Variants in LRP4 observed in about 807,000 individuals in gnomAD.
LRP4 encodes low-density lipoprotein receptor-related protein 4.
A neutral mutation model predicts 220.3 loss-of-function variants in LRP4; 95 were observed. The observed-to-expected ratio is 0.43, with a 90% CI of 0.37 to 0.51. LRP4 has a LOEUF of 0.51. Among genes scored for constraint, LRP4 ranks in the 20% least tolerant of loss-of-function variants. LRP4 has a pLI of 0.00. For synonymous variants in LRP4, 903 were observed against 954.6 expected (o/e 0.95, Z 1.00); for missense variants, 1,925 against 2,567.0 (o/e 0.75, Z 5.40).
chr11:46,862,702 G>C lies in LRP4; in HGVS notation c.5289C>G (p.Thr1763=). 6.2e-7 allele frequency: 1 copy of C among 1,613,788 alleles called. No homozygotes were observed. The highest frequency in any genetic ancestry group is 8.5e-7 in the Non-Finnish European group (1 of 1,179,898). ...ATGTTCGGTAGGAGGGGTTGCTGTAGGTGAGGTTCCCCATTCCAGGATCAG... is the reference window on the plus strand; with the variant it reads ...ATGTTCGGTAGGAGGGGTTGCTGTACGTGAGGTTCCCCATTCCAGGATCAG... ...KFTDPGMGNL[T]YSNPSYRTST... is the part of the protein sequence containing the mutation. Residue 1763 remains threonine (T), a synonymous_variant, in exon 37 of 38, where the codon ACC becomes ACG. Coordinates refer to ENST00000378623, the MANE Select transcript of LRP4 (RefSeq NM_002334.4).
intron 15 of LRP4, 189 bp from the exon 16 acceptor site, chr11:46,889,722 C>T: frequency 1.2e-6 from 1 of 867,490 alleles, no homozygotes; most frequent in Non-Finnish European, 1.8e-6. Context: ...TAAATGTCTG[C>T]CTGAATTAGA....
chr11:46,908,748 G>A (rs2134880241), intron 1 of LRP4, among the ~76,000 whole-genome samples: 1 of 152,350 alleles, frequency 6.6e-6, no homozygotes, highest in Middle Eastern at 3.4e-3. Flanking sequence ...GTAATGAAGT[G>A]GGGAAAGTCT....
chr11:46,875,601 C>T lies in LRP4; in HGVS notation c.3780G>A (p.Leu1260=). 1 of 1,614,156 alleles carries T rather than the reference C, an allele frequency of 6.2e-7. No homozygotes were observed. The highest frequency in any genetic ancestry group is 8.5e-7 in the Non-Finnish European group (1 of 1,180,030). Residue 1260 remains leucine (L), a synonymous_variant, in exon 27 of 38, where the codon CTG becomes CTA. Transcript: ENST00000378623. This position sits in a 1 kb window ranked among gnomAD's most constrained non-coding sequence, Gnocchi z 4.5. ...CAGTCCAGTAGATATAGGAGTCGAG[C>T]AGGGTGAGGCCATATGGGTGCTGCA... ...SPVQHPYGLT[L]LDSYIYWTDW...
intron 28 of LRP4, 146 bp downstream of exon 28, chr11:46,874,654 C>T: frequency 1.5e-6 from 1 of 670,896 alleles, no homozygotes; most frequent in Non-Finnish European, 2.6e-6. Context: ...CTGTAAGTGA[C>T]AACACTACAA....
At chr11:46,889,752 T>A (rs1419028156) in intron 15 of LRP4, 192 bp downstream of exon 15, 1 of 842,722 alleles carries the variant, frequency 1.2e-6, no homozygotes, top group South Asian at 1.6e-5. Context: ...TGAAGTCTAA[T>A]GAATCTTTTC....
At chr11:46,872,999 C>T in intron 30 of LRP4, 101 bp downstream of exon 30, 1 of 1,509,392 alleles carries the variant, frequency 6.6e-7, no homozygotes. Context: ...TCCCCACATA[C>T]CAAGAAGCTT....
chr11:46,878,768 T>C lies in LRP4; in HGVS notation c.3136+139A>G. Reference sequence around the variant, plus strand: ...GGCCCGTCCCCTTTTCTAAAAGCCGTGAGTCTCTCCCCTGGGCCTCTAGAA... The same window carrying C: ...GGCCCGTCCCCTTTTCTAAAAGCCGCGAGTCTCTCCCCTGGGCCTCTAGAA... On this transcript the variant is annotated intron_variant, in intron 22 of 37. Transcript: ENST00000378623. 3 of 1,286,822 alleles carry C rather than the reference T, an allele frequency of 2.3e-6. No individual in the cohort carries two copies. In the East Asian group the frequency reaches 7.0e-5, roughly 30 times the overall value. 79.7% of individuals were successfully genotyped at this position (1,286,822 alleles called of 1,614,324 possible).
chr11:46,878,193 T>C (rs1228765143), intron 22 of LRP4, among the ~76,000 whole-genome samples: 1 of 151,868 alleles, frequency 6.6e-6, no homozygotes, highest in Non-Finnish European at 1.5e-5. Flanking sequence ...AAGTGGCACA[T>C]CTAAGGAGGA....
intron 33 of LRP4, 102 bp downstream of exon 33, chr11:46,868,498 G>A: frequency 1.1e-6 from 1 of 888,306 alleles, no homozygotes; most frequent in Non-Finnish European, 1.9e-6. Context: ...TCTTTATGGG[G>A]ATCCCACCCA....
At chr11:46,906,101 C>G (rs566472208) in intron 1 of LRP4, among the ~76,000 whole-genome samples, 1 of 152,204 alleles carries the variant, frequency 6.6e-6, no homozygotes, top group South Asian at 2.1e-4. Context: ...TTCCATCGAC[C>G]AGCCAGTTGA....
At chr11:46,895,372 G>A in intron 10 of LRP4, 81 bp from the exon 11 acceptor site, 1 of 1,574,958 alleles carries the variant, frequency 6.3e-7, no homozygotes, top group Non-Finnish European at 8.6e-7. Context: ...CTGCTTTTCT[G>A]CCCACATCCC....
intron 1 of LRP4, among the ~76,000 whole-genome samples, chr11:46,909,438 C>G (rs1941816419): frequency 2.8e-5 from 1 of 35,558 alleles, no homozygotes; most frequent in African/African-American, 1.1e-4. Context: ...AACCCCGTCT[C>G]TACTAAAAAT....
chr11:46,899,449 G>C lies in LRP4; in HGVS notation c.485C>G (p.Ala162Gly). The C allele has an allele frequency of 6.2e-7, 1 of 1,614,122 alleles. No homozygotes were observed. Among genetic ancestry groups the C allele is most frequent in the South Asian group, 1.1e-5 (1 of 91,084 alleles). Residue 162 changes from alanine to glycine, a missense_variant, in exon 5 of 38, where the codon GCT becomes GGT. Physicochemically the swap from Ala to Gly is moderately conservative, Grantham distance 60. This residue lies in a region of LRP4 where 412 missense variants were observed against 505.4 expected (regional missense o/e 0.82). Coordinates refer to ENST00000378623, the MANE Select transcript of LRP4 (RefSeq NM_002334.4). The surrounding 1 kb of genome is among the most constrained non-coding windows in gnomAD (Gnocchi z 5.9). Reference sequence around the variant, plus strand: ...GTCACCGTCGCAGTACCAATGCTCAGCAATGCAGCTTCCGTCACTACAGCG... The same window carrying C: ...GTCACCGTCGCAGTACCAATGCTCACCAATGCAGCTTCCGTCACTACAGCG... ...EFRCSDGSCI[A>G]EHWYCDGDTD...
rs758294827 is a variant in LRP4, at chr11:46,859,012, G to A, written c.5689C>T (p.Arg1897Cys). The A allele has an allele frequency of 1.5e-5, 25 of 1,614,022 alleles. No individual in the cohort carries two copies. The highest frequency in any genetic ancestry group is 3.3e-4 in the Middle Eastern group (2 of 6,078). Residue 1897 changes from arginine to cysteine, a missense_variant, in exon 38 of 38, where the codon CGC becomes TGC. Coordinates refer to ENST00000378623, the MANE Select transcript of LRP4 (RefSeq NM_002334.4). ...SLPDTGWKHERKLSSESQV is the reference protein window; with the variant it reads ...SLPDTGWKHECKLSSESQV Reference sequence around the variant, plus strand: ...ACCTGGCTCTCTGAGGAGAGCTTGCGTTCATGTTTCCAGCCCGTGTCTGGC... The same window carrying A: ...ACCTGGCTCTCTGAGGAGAGCTTGCATTCATGTTTCCAGCCCGTGTCTGGC...
intron 20 of LRP4, among the ~76,000 whole-genome samples, chr11:46,879,859 C>T (rs963886381): frequency 2.6e-5 from 4 of 152,220 alleles, no homozygotes; most frequent in African/African-American, 9.6e-5. Flanking sequence ...CAAATGTCCA[C>T]TTTGGGAGGT....
intron 1 of LRP4, among the ~76,000 whole-genome samples, chr11:46,911,898 A>AGT (rs1941866230): frequency 7.1e-6 from 1 of 140,194 alleles, no homozygotes; most frequent in South Asian, 2.2e-4. Flanking sequence ...CCTGGAGTGC[A>AGT]GTGGCACAGT....
Position 46,894,789 on chromosome 11 carries a change from C to A in LRP4, c.1340G>T (p.Arg447Leu). Residue 447 changes from arginine to leucine, a missense_variant, in exon 12 of 38, where the codon CGC (arginine) becomes CTC (leucine). This residue lies in a region of LRP4 where 269 missense variants were observed against 436.7 expected (regional missense o/e 0.62). Coordinates refer to ENST00000378623, the MANE Select transcript of LRP4 (RefSeq NM_002334.4). Reference sequence around the variant, plus strand: ...TGGCAGCACCTGCCGGATGTCGATGCGATTGGCGAACAGCAGCACAGGCTC... The same window carrying A: ...TGGCAGCACCTGCCGGATGTCGATGAGATTGGCGAACAGCAGCACAGGCTC... ...GPEPVLLFANRIDIRQVLPHR... is the reference protein window; with the variant it reads ...GPEPVLLFANLIDIRQVLPHR... 6.2e-7 allele frequency: 1 copy of A among 1,614,182 alleles called. No individual in the cohort carries two copies. The highest frequency in any genetic ancestry group is 8.5e-7 in the Non-Finnish European group (1 of 1,180,018).
At position 46,890,393 on chromosome 11, in the gene LRP4, G is replaced by C; in HGVS notation, c.1799C>G (p.Pro600Arg). 1 of 1,614,168 alleles carries C rather than the reference G, an allele frequency of 6.2e-7. No individual in the cohort carries two copies. The highest frequency in any genetic ancestry group is 8.5e-7 in the Non-Finnish European group (1 of 1,180,032). ...RIIADTHLFW[P>R]NGLTIDYAGR... ...GGCATAGTCGATGGTGAGGCCATTG[G>C]GCCAGAAGAGATGGGTATCGGCAAT... is the stretch of plus-strand genomic sequence containing the variant. The change falls in exon 14 of 38, where the codon CCC becomes CGC. Residue 600 changes from proline to arginine, a missense_variant. By Grantham distance (103) the Pro-to-Arg change is moderately radical. Transcript: ENST00000378623. The surrounding 1 kb of genome is among the most constrained non-coding windows in gnomAD (Gnocchi z 5.3).
chr11:46,867,915 T>C, intron 34 of LRP4, 64 bp downstream of exon 34: 1 of 1,606,658 alleles, frequency 6.2e-7, no homozygotes, highest in Non-Finnish European at 8.5e-7. Flanking sequence ...GCTGGGACTA[T>C]GAGTTGGTCA....
Sources: allele counts gnomAD v4.1 joint callset (sites outside exome capture counted in the v4.1 genomes callset), GRCh38; gene constraint gnomAD v4.1.1; regional missense constraint gnomAD v4.1.1; non-coding constraint Gnocchi (gnomAD v3.1); transcripts MANE v1.5; gene names NCBI Gene and HGNC (gene_info 2026-07-23, HGNC 2026-07-21).